The following PICALM variants were observed in gnomAD, a reference collection of about 807,000 sequenced individuals.
The protein encoded by PICALM is phosphatidylinositol binding clathrin assembly protein.
Under a neutral mutation model 80.5 loss-of-function variants are expected in PICALM, and 40 were observed. The observed-to-expected ratio is 0.50, with a 90% CI of 0.39 to 0.65. PICALM has a LOEUF of 0.65. PICALM is among the 30% of genes least tolerant of loss of function. PICALM has a pLI of 0.00. For missense variants in PICALM, 676 were observed against 778.9 expected (o/e 0.87, Z 1.57); for synonymous variants, 288 against 260.3 (o/e 1.11, Z -1.02).
intron 1 of PICALM, among the ~76,000 whole-genome samples, chr11:86,034,384 T>C (rs1397299997): frequency 6.6e-6 from 1 of 152,144 alleles, no homozygotes; most frequent in Admixed American, 6.5e-5. Context: ...GGAAGGAAAA[T>C]ATTCTTCCCA....
intron 3 of PICALM, among the ~76,000 whole-genome samples, chr11:86,025,480 A>C (rs1229531462): frequency 1.3e-5 from 2 of 152,254 alleles, no homozygotes; most frequent in African/African-American, 4.8e-5. Flanking sequence ...AGCTACTAAA[A>C]CATGTAATAT....
chr11:86,000,685 G>A lies in PICALM; in HGVS notation c.1112C>T (p.Ala371Val), dbSNP rs763085613. Residue 371 changes from alanine (A) to valine (V), a missense_variant, in exon 11 of 20, where the codon GCA becomes GTA. Ala to Val is a moderately conservative substitution (Grantham distance 64). This residue lies in a region of PICALM where 391 missense variants were observed against 383.6 expected (regional missense o/e 1.02). Transcript: ENST00000393346. ...GGTAGAAAATATGTCAATGGCTGGT[G>A]CAGTCATTATCCCTCCTGCTGAGGT... is the stretch of plus-strand genomic sequence containing the variant. ...VSTSAGGIMTAPAIDIFSTPS... is the reference protein window; with the variant it reads ...VSTSAGGIMTVPAIDIFSTPS... 3 of 1,611,106 alleles carry A rather than the reference G, an allele frequency of 1.9e-6. No individual in the cohort carries two copies. The highest frequency in any genetic ancestry group is 2.7e-5 in the African/African-American group (2 of 74,844).
At chr11:85,971,090 C>T (rs1193992628) in intron 19 of PICALM, among the ~76,000 whole-genome samples, 2 of 152,146 alleles carry the variant, frequency 1.3e-5, no homozygotes, top group Admixed American at 6.5e-5. Context: ...TTAAAAGTAA[C>T]ATTAACAAAT....
chr11:86,023,897 G>A (rs2095606467), intron 3 of PICALM, among the ~76,000 whole-genome samples: 1 of 152,170 alleles, frequency 6.6e-6, no homozygotes, highest in African/African-American at 2.4e-5. Flanking sequence ...GGAGGCTTAG[G>A]AGGATCGCTT....
At chr11:85,982,500 TCA>T (rs1555034290) in intron 14 of PICALM, among the ~76,000 whole-genome samples, 7 of 134,258 alleles carry the variant, frequency 5.2e-5, no homozygotes, top group Non-Finnish European at 9.3e-5. Flanking sequence ...CAATCTCGGC[TCA>T]CTGCAAGCTC....
chr11:85,965,156 G>A (rs2093833316), intron 19 of PICALM, among the ~76,000 whole-genome samples: 1 of 152,118 alleles, frequency 6.6e-6, no homozygotes, highest in African/African-American at 2.4e-5. Flanking sequence ...CTCATCAAGG[G>A]AGTGGGTTCG....
chr11:86,045,642 A>G (rs894871130), intron 1 of PICALM, among the ~76,000 whole-genome samples: 2 of 151,872 alleles, frequency 1.3e-5, no homozygotes, highest in African/African-American at 4.8e-5. Flanking sequence ...AAAAGGAATT[A>G]TAAAATTTTA....
At chr11:86,001,648 A>C (rs190606029) in intron 9 of PICALM, among the ~76,000 whole-genome samples, 1 of 152,348 alleles carries the variant, frequency 6.6e-6, no homozygotes, top group Admixed American at 6.5e-5. Context: ...ACATCCCCAG[A>C]GGACTTCAGG....
Position 85,996,811 on chromosome 11 carries a change from T to A in PICALM, c.1258+15A>T. The A allele has an allele frequency of 1.4e-6, 2 of 1,411,720 alleles. No individual in the cohort carries two copies. Among genetic ancestry groups the A allele is most frequent in the Non-Finnish European group, 2.0e-6 (2 of 996,548 alleles). The allele number at this position is 1,411,720 out of a possible 1,614,324, so 87.4% of individuals were successfully genotyped here. A position where few individuals can be genotyped will look rare whatever the true frequency, so the allele number is the denominator to read the frequency against. ...GATGCATGTAACATCTAAAATAGAA[T>A]TCATCAATGCTTACCTCCCCATGTA... On this transcript the variant is annotated intron_variant, in intron 12 of 19. Coordinates refer to ENST00000393346, the MANE Select transcript of PICALM (RefSeq NM_007166.4).
chr11:85,984,886 GGTCT>G (rs776405185), intron 13 of PICALM, among the ~76,000 whole-genome samples: 22 of 152,046 alleles, frequency 1.4e-4, no homozygotes, highest in Non-Finnish European at 2.9e-4. Flanking sequence ...AAAAATATTA[GGTCT>G]GTCATGTGAT....
chr11:85,959,815 A>G (rs2093629595), intron 19 of PICALM, among the ~76,000 whole-genome samples: 1 of 151,966 alleles, frequency 6.6e-6, no homozygotes, highest in African/African-American at 2.4e-5. Context: ...ACTAGCCCCA[A>G]GTGATCCTCC....
chr11:86,007,240 C>G (rs1387397715), intron 8 of PICALM: 1 of 177,122 alleles, frequency 5.6e-6, no homozygotes, highest in Non-Finnish European at 1.2e-5. Flanking sequence ...ATATCATTTT[C>G]TAAATTCAGG....
At chr11:86,002,794 C>T (rs2095178692) in intron 9 of PICALM, among the ~76,000 whole-genome samples, 1 of 152,174 alleles carries the variant, frequency 6.6e-6, no homozygotes, top group Non-Finnish European at 1.5e-5. Flanking sequence ...GTGCAGATCA[C>T]TTGAGTTCAG....
At chr11:86,008,952 CAA>C (rs59740555) in intron 7 of PICALM, among the ~76,000 whole-genome samples, 2 of 62,846 alleles carry the variant, frequency 3.2e-5, no homozygotes, top group Non-Finnish European at 6.2e-5. Context: ...AAAAAAAAGC[CAA>C]AAAAAAAAAA....
chr11:86,017,137 C>T lies in PICALM; in HGVS notation c.453-2174G>A, dbSNP rs548379592. On this transcript the variant is annotated intron_variant, in intron 4 of 19. Transcript: ENST00000393346. ...ACTCGGGAGGCTGAGGTGGGAGAAT[C>T]GCTTGAATCTGGAAGGCGGAGGTTG... is the stretch of plus-strand genomic sequence containing the variant. 8.6e-5 allele frequency among the ~76,000 whole-genome samples: 13 copies of T among 151,654 alleles called. No homozygotes were observed. The East Asian group carries it at 1.4e-3, about 16-fold the overall frequency.
At chr11:86,034,806 G>A (rs766368392) in intron 1 of PICALM, among the ~76,000 whole-genome samples, 13 of 152,142 alleles carry the variant, frequency 8.5e-5, no homozygotes, top group Non-Finnish European at 1.6e-4. Flanking sequence ...TTTCCATGTA[G>A]AGAAAGCAGA....
intron 19 of PICALM, among the ~76,000 whole-genome samples, chr11:85,973,628 T>C (rs1390779803): frequency 1.3e-5 from 2 of 152,138 alleles, no homozygotes; most frequent in Non-Finnish European, 2.9e-5. Context: ...ACTGTGGGTC[T>C]TGGAACATAT....
intron 19 of PICALM, among the ~76,000 whole-genome samples, chr11:85,961,113 T>C (rs1168818140): frequency 2.0e-5 from 3 of 151,490 alleles, no homozygotes; most frequent in Non-Finnish European, 2.9e-5. Context: ...GGGGAGGGAA[T>C]ACATAATTGC....
chr11:86,023,263 T>C (rs1029730529), intron 3 of PICALM, among the ~76,000 whole-genome samples: 2 of 152,156 alleles, frequency 1.3e-5, no homozygotes, highest in Non-Finnish European at 2.9e-5. Flanking sequence ...TAAAAGACAA[T>C]ACCAAAACCA....
Sources: allele counts gnomAD v4.1 joint callset (sites outside exome capture counted in the v4.1 genomes callset), GRCh38; gene constraint gnomAD v4.1.1; regional missense constraint gnomAD v4.1.1; transcripts MANE v1.5; gene names NCBI Gene and HGNC (gene_info 2026-07-23, HGNC 2026-07-21).